The following CRAT variants were observed in gnomAD, a reference collection of about 807,000 sequenced individuals.
CRAT encodes the protein carnitine acetylase.
A neutral mutation model predicts 73.7 loss-of-function variants in CRAT; 66 were observed. The observed-to-expected ratio is 0.90, with a 90% CI of 0.73 to 1.10. The LOEUF (loss-of-function observed/expected upper bound fraction) is 1.10. Among genes scored for constraint, CRAT ranks in the 50% least tolerant of loss-of-function variants. The pLI is 0.00. For synonymous variants in CRAT, 321 were observed against 343.2 expected, an observed-to-expected ratio of 0.94 and a Z score of 0.71; for missense variants, 745 against 846.9, an observed-to-expected ratio of 0.88 and a Z score of 1.49.
At chr9:129,096,726 T>C (rs1275222585) in intron 12 of CRAT, among the ~76,000 whole-genome samples, 1 of 152,210 alleles carries the variant, frequency 6.6e-6, no homozygotes, top group East Asian at 1.9e-4. Flanking sequence ...CCCTGGAACC[T>C]GGAACCAAGG....
intron 11 of CRAT, 98 bp downstream of exon 11, chr9:129,097,915 C>T (rs926390110): frequency 6.6e-7 from 1 of 1,512,776 alleles, no homozygotes; most frequent in Non-Finnish European, 8.9e-7. Flanking sequence ...CACCATGGGG[C>T]TGGAATCCTG....
At chr9:129,101,422 C>A (rs1173630576) in intron 6 of CRAT, among the ~76,000 whole-genome samples, 1 of 152,234 alleles carries the variant, frequency 6.6e-6, no homozygotes, top group African/African-American at 2.4e-5. Context: ...GCGAGACCCG[C>A]TCTCCTATCT....
intron 1 of CRAT, chr9:129,108,985 C>T (rs1848198655): frequency 4.9e-6 from 6 of 1,228,734 alleles, no homozygotes; most frequent in Non-Finnish European, 4.2e-6. Flanking sequence ...GGGGTTGTGG[C>T]AGTGGCAGGG....
At chr9:129,109,647 C>T (rs1026243448) in intron 1 of CRAT, among the ~76,000 whole-genome samples, 1 of 152,030 alleles carries the variant, frequency 6.6e-6, no homozygotes, top group Non-Finnish European at 1.5e-5. Context: ...GCTTGGGAGA[C>T]AGTGACAAGG....
chr9:129,097,953 G>A, intron 11 of CRAT, 60 bp downstream of exon 11: 2 of 1,587,378 alleles, frequency 1.3e-6, no homozygotes, highest in Non-Finnish European at 8.6e-7. Flanking sequence ...TGTGTTGACT[G>A]AGTGAGCAGG....
intron 6 of CRAT, among the ~76,000 whole-genome samples, chr9:129,101,246 C>T (rs541950581): frequency 3.9e-5 from 6 of 152,342 alleles, no homozygotes; most frequent in South Asian, 2.1e-4. Flanking sequence ...AACATGTCTG[C>T]CCATGGCTGT....
At position 129,109,065 on chromosome 9, in the gene CRAT, G is replaced by A. The variant is rs1455020833; in HGVS notation, c.28-988C>T. ...AGAAGTAGAGGAATGGGGAGCAGGT[G>A]AGAGGGCTAGTGGGGGGGCATTCCA... On this transcript the variant is annotated intron_variant, in intron 1 of 13. Transcript: ENST00000318080. The A allele has an allele frequency of 4.0e-6, 5 of 1,264,070 alleles. No homozygotes were observed. In the South Asian group the frequency reaches 5.4e-5, roughly 14 times the overall value. 78.3% of individuals were successfully genotyped at this position (1,264,070 alleles called of 1,614,324 possible).
At position 129,101,816 on chromosome 9, in the gene CRAT, T is replaced by G; in HGVS notation, c.805+67A>C. 6.5e-6 allele frequency: 10 copies of G among 1,548,782 alleles called. 1 individual carries two copies. In the South Asian group the frequency reaches 1.2e-4, roughly 19 times the overall value. On this transcript the variant is annotated intron_variant, in intron 6 of 13. Transcript: ENST00000318080. ...GACTTCGGGTACCCTACAGGTGGAG[T>G]TGAGGCTGGTCCCCAACAGGGGAAG...
chr9:129,109,408 A>G (rs547382280), intron 1 of CRAT: 1 of 612,498 alleles, frequency 1.6e-6, no homozygotes, highest in East Asian at 6.9e-5. Context: ...TCCCTCTACG[A>G]ACACTCATTT....
At chr9:129,104,573 C>T (rs959288144) in intron 2 of CRAT, among the ~76,000 whole-genome samples, 10 of 150,944 alleles carry the variant, frequency 6.6e-5, no homozygotes, top group South Asian at 2.1e-4. Flanking sequence ...GGAGGAAACC[C>T]GGGGTGTGGG....
rs1401941696 is a variant in CRAT at position 129,103,799 on chromosome 9, C to A, written c.410+389G>T. On this transcript the variant is annotated intron_variant, in intron 3 of 13. Coordinates refer to ENST00000318080, the MANE Select transcript of CRAT (RefSeq NM_000755.5). The surrounding 1 kb of genome is among the most constrained non-coding windows in gnomAD (Gnocchi z 4.6). Reference sequence around the variant, plus strand: ...TGGAATAGGGGCTGGGGCAGGTGACCTGGCTGAATGTGGAAAAGAGGACTG... The same window carrying A: ...TGGAATAGGGGCTGGGGCAGGTGACATGGCTGAATGTGGAAAAGAGGACTG... Among the ~76,000 whole-genome samples, 1 of 152,140 alleles carries A rather than the reference C, an allele frequency of 6.6e-6. No individual in the cohort carries two copies. Among genetic ancestry groups the A allele is most frequent in the Non-Finnish European group, 1.5e-5 (1 of 68,020 alleles).
chr9:129,108,120 G>A, intron 1 of CRAT, 43 bp from the exon 2 acceptor site: 4 of 1,495,532 alleles, frequency 2.7e-6, no homozygotes, highest in East Asian at 2.3e-5. Context: ...CCCCGGCTCT[G>A]GAGCCCTGGC....
rs374221134 is a variant in CRAT, at chr9:129,099,907, C to T, written c.1044G>A (p.Gly348=). 245 of 1,613,592 alleles carry T rather than the reference C, an allele frequency of 1.5e-4. No individual in the cohort carries two copies. The highest frequency in any genetic ancestry group is 1.9e-4 in the Non-Finnish European group (224 of 1,179,944). The part of the protein sequence containing the change: ...GLVYEHAAAE[G]PPIVTLLDYV... ...AGTCCAGAAGGGTGACAATAGGGGG[C>T]CCCTCCGCTGCAGCATGCTCGTACA... Residue 348 remains glycine (G), a synonymous_variant, in exon 8 of 14, where the codon GGG becomes GGA. Transcript: ENST00000318080.
chr9:129,110,592 T>A lies in CRAT; in HGVS notation c.-83A>T. On this transcript the variant is annotated 5_prime_UTR_variant, in exon 1 of 14. Coordinates refer to ENST00000318080, the MANE Select transcript of CRAT (RefSeq NM_000755.5). This position sits in a 1 kb window ranked among gnomAD's most constrained non-coding sequence, Gnocchi z 5.3. ...CGCGCCGCCGCCGCCGCGGCTGGGG[T>A]CGGTGGGTCCTTGCTAGAGCCTTCG... is the stretch of plus-strand genomic sequence containing the variant. 6.9e-7 allele frequency: 1 copy of A among 1,456,188 alleles called. No individual in the cohort carries two copies. Among genetic ancestry groups the A allele is most frequent in the Non-Finnish European group, 9.1e-7 (1 of 1,096,340 alleles). 90.2% of individuals were successfully genotyped at this position (1,456,188 alleles called of 1,614,324 possible).
At chr9:129,108,182 G>A in intron 1 of CRAT, 105 bp from the exon 2 acceptor site, 1 of 1,391,202 alleles carries the variant, frequency 7.2e-7, no homozygotes, top group Non-Finnish European at 9.4e-7. Context: ...TGGGGGCAGA[G>A]ACGGCCTCTT....
rs1174066048 is a variant in CRAT at position 129,098,090 on chromosome 9, C to T, written c.1387G>A (p.Gly463Ser). 3 of 1,614,022 alleles carry T rather than the reference C, an allele frequency of 1.9e-6. No homozygotes were observed. Among genetic ancestry groups the T allele is most frequent in the East Asian group, 2.2e-5 (1 of 44,880 alleles). The change falls in exon 11 of 14, where the codon GGC (glycine) becomes AGC (serine). Residue 463 changes from glycine to serine, a missense_variant. Transcript: ENST00000318080. Reference sequence around the variant, plus strand: ...GCCGAGCGGATGGTGTCGGTGCGGCCCAGGTGAAACATGCGCAGGGAGGCA... The same window carrying T: ...GCCGAGCGGATGGTGTCGGTGCGGCTCAGGTGAAACATGCGCAGGGAGGCA... ...ESASLRMFHL[G>S]RTDTIRSASM...
intron 1 of CRAT, chr9:129,109,066 A>C: frequency 7.9e-7 from 1 of 1,264,314 alleles, no homozygotes; most frequent in Non-Finnish European, 1.0e-6. Flanking sequence ...GGAGCAGGTG[A>C]GAGGGCTAGT....
chr9:129,095,656 G>T (rs768724372), intron 13 of CRAT, 44 bp from the exon 14 acceptor site: 1 of 1,572,352 alleles, frequency 6.4e-7, no homozygotes. Flanking sequence ...CTACCTTGAC[G>T]CCCCCAGCAC....
chr9:129,107,805 C>T lies in CRAT; in HGVS notation c.291+9G>A. The T allele has an allele frequency of 6.2e-7, 1 of 1,613,182 alleles. No homozygotes were observed. Among genetic ancestry groups the T allele is most frequent in the Non-Finnish European group, 8.5e-7 (1 of 1,180,018 alleles). On this transcript the variant is annotated intron_variant, in intron 2 of 13. Transcript: ENST00000318080. The surrounding 1 kb of genome is among the most constrained non-coding windows in gnomAD (Gnocchi z 5.0). ...AGCAGCAGGTCACAGTGAGGATGCC[C>T]TCACTCACCCAGTTCTCCGTCTTCC...
Sources: gnomAD v4.1 joint callset for allele counts (sites outside exome capture counted in the v4.1 genomes callset) on GRCh38, gnomAD v4.1.1 for gene constraint, Gnocchi (gnomAD v3.1) non-coding constraint, MANE v1.5 for transcripts, NCBI Gene and HGNC (gene_info 2026-07-23, HGNC 2026-07-21) for gene names.